The following CNTN5 variants were observed in gnomAD, a reference collection of about 807,000 sequenced individuals.
CNTN5 encodes contactin-5.
Under a neutral mutation model 129.1 loss-of-function variants are expected in CNTN5, and 77 were observed. That is an observed-to-expected ratio of 0.60 (90% confidence interval 0.50 to 0.72). CNTN5 has a LOEUF of 0.72. Ranked by LOEUF, CNTN5 falls within the 30% of genes least tolerant of loss-of-function variation. The pLI is 0.00. For missense variants in CNTN5, 1,478 were observed against 1,328.8 expected (o/e 1.11, Z -1.75); for synonymous variants, 509 against 465.6 (o/e 1.09, Z -1.20).
intron 3 of CNTN5, among the ~76,000 whole-genome samples, chr11:99,812,304 C>T (rs1946453377): frequency 6.6e-6 from 1 of 152,072 alleles, no homozygotes; most frequent in Non-Finnish European, 1.5e-5. Context: ...TTCTGCTCTT[C>T]ACTTTTTCAG....
intron 6 of CNTN5, among the ~76,000 whole-genome samples, chr11:99,862,733 T>C (rs112521318): frequency 1.3e-5 from 2 of 152,088 alleles, no homozygotes; most frequent in African/African-American, 4.8e-5. Context: ...CATTTACATT[T>C]GAAAGGATCT....
chr11:99,211,707 T>C (rs1859802199), intron 1 of CNTN5, among the ~76,000 whole-genome samples: 1 of 152,172 alleles, frequency 6.6e-6, no homozygotes, highest in Non-Finnish European at 1.5e-5. Flanking sequence ...TTCATGTTTT[T>C]ATGCTATCGT....
At position 100,000,628 on chromosome 11, in the gene CNTN5, A is replaced by T. The variant is rs560183887; in HGVS notation, c.878-1406A>T. Among the ~76,000 whole-genome samples the T allele has an allele frequency of 2.0e-5, 3 of 152,282 alleles. No homozygotes were observed. The East Asian group carries it at 5.8e-4, about 29-fold the overall frequency. On this transcript the variant is annotated intron_variant, in intron 8 of 24. Coordinates refer to ENST00000524871, the MANE Select transcript of CNTN5 (RefSeq NM_014361.4). ...CCATATTCTTACAGCTCCAGTAAAC[A>T]ATACCCCAGTGGGGACACTGTGTGG...
At chr11:100,342,407 G>C (rs905797430) in intron 23 of CNTN5, among the ~76,000 whole-genome samples, 6 of 152,126 alleles carry the variant, frequency 3.9e-5, no homozygotes, top group Non-Finnish European at 8.8e-5. Flanking sequence ...TTAGAACTAT[G>C]ATGAACAATA....
intron 6 of CNTN5, among the ~76,000 whole-genome samples, chr11:99,895,070 C>A (rs536933457): frequency 6.6e-6 from 1 of 152,080 alleles, no homozygotes; most frequent in Admixed American, 6.6e-5. Flanking sequence ...TTATATAACC[C>A]CAGTGGATAA....
chr11:99,071,586 A>G (rs1424692660), intron 1 of CNTN5, among the ~76,000 whole-genome samples: 1 of 152,188 alleles, frequency 6.6e-6, no homozygotes, highest in Non-Finnish European at 1.5e-5. Flanking sequence ...AATATATCTA[A>G]CTTAAGTTTA....
intron 1 of CNTN5, among the ~76,000 whole-genome samples, chr11:99,164,127 AC>A (rs1860757741): frequency 6.6e-6 from 1 of 152,112 alleles, no homozygotes; most frequent in African/African-American, 2.4e-5. Flanking sequence ...GGAGTTCAAG[AC>A]CAGCCTGGCC....
chr11:99,808,823 C>G (rs1946347700), intron 3 of CNTN5, among the ~76,000 whole-genome samples: 1 of 152,110 alleles, frequency 6.6e-6, no homozygotes, highest in Non-Finnish European at 1.5e-5. Context: ...TTAGCTTGAA[C>G]AGTAATCCTA....
intron 15 of CNTN5, among the ~76,000 whole-genome samples, chr11:100,214,185 G>T (rs1244271537): frequency 2.0e-5 from 3 of 149,136 alleles, no homozygotes; most frequent in African/African-American, 7.8e-5. Context: ...ATTAAGTTTT[G>T]TAAAAAAAAA....
intron 13 of CNTN5, among the ~76,000 whole-genome samples, chr11:100,167,191 A>T (rs1002123281): frequency 1.3e-5 from 2 of 151,842 alleles, no homozygotes; most frequent in Non-Finnish European, 2.9e-5. Context: ...ATCAAAAACA[A>T]ACAAAAAAAA....
At chr11:99,393,473 C>A (rs1941366505) in intron 2 of CNTN5, among the ~76,000 whole-genome samples, 1 of 151,676 alleles carries the variant, frequency 6.6e-6, no homozygotes, top group Non-Finnish European at 1.5e-5. Flanking sequence ...AGTGTTGTCA[C>A]CTCTTTTTCA....
chr11:100,338,630 C>T (rs531497787), intron 21 of CNTN5, among the ~76,000 whole-genome samples: 1 of 152,330 alleles, frequency 6.6e-6, no homozygotes, highest in South Asian at 2.1e-4. Context: ...TTTACTCGGC[C>T]TGCCGCATTC....
intron 3 of CNTN5, among the ~76,000 whole-genome samples, chr11:99,776,011 T>C (rs929619628): frequency 1.3e-5 from 2 of 152,066 alleles, no homozygotes; most frequent in African/African-American, 4.8e-5. Flanking sequence ...TCATAGAATT[T>C]ATATTTGTAT....
At chr11:99,120,808 T>G (rs1188535024) in intron 1 of CNTN5, among the ~76,000 whole-genome samples, 1 of 152,184 alleles carries the variant, frequency 6.6e-6, no homozygotes, top group Non-Finnish European at 1.5e-5. Context: ...GATAATTTTC[T>G]GAAGATTTTC....
At chr11:100,273,228 C>T (rs1287157050) in intron 18 of CNTN5, among the ~76,000 whole-genome samples, 10 of 152,038 alleles carry the variant, frequency 6.6e-5, no homozygotes, top group African/African-American at 2.2e-4. Context: ...TTAAGCAGGG[C>T]GGCTCCTATG....
chr11:100,354,569 T>C (rs1238740828), intron 24 of CNTN5, among the ~76,000 whole-genome samples: 1 of 151,522 alleles, frequency 6.6e-6, no homozygotes, highest in African/African-American at 2.4e-5. Context: ...AATAAAATAA[T>C]GTTATTAGAT....
intron 3 of CNTN5, among the ~76,000 whole-genome samples, chr11:99,737,358 G>C (rs1201179292): frequency 6.6e-6 from 1 of 152,100 alleles, no homozygotes; most frequent in East Asian, 1.9e-4. Flanking sequence ...TGGAATACAA[G>C]TGTTACATTA....
chr11:99,081,547 A>G (rs898770800), intron 1 of CNTN5, among the ~76,000 whole-genome samples: 1 of 152,186 alleles, frequency 6.6e-6, no homozygotes, highest in Admixed American at 6.5e-5. Context: ...TACCTAAACA[A>G]TGATCTCAGG....
At chr11:99,624,307 C>A (rs1454766124) in intron 3 of CNTN5, among the ~76,000 whole-genome samples, 2 of 151,826 alleles carry the variant, frequency 1.3e-5, no homozygotes, top group Admixed American at 1.3e-4. Flanking sequence ...AAAAGTACGG[C>A]CTGTATTAAA....
Sources: gnomAD v4.1 joint callset for allele counts (sites outside exome capture counted in the v4.1 genomes callset) on GRCh38, gnomAD v4.1.1 for gene constraint, MANE v1.5 for transcripts, NCBI Gene and HGNC (gene_info 2026-07-23, HGNC 2026-07-21) for gene names.